The following TSPEAR variants were observed in gnomAD, a reference collection of about 807,000 sequenced individuals.
The protein encoded by TSPEAR is thrombospondin type laminin G domain and EAR repeats, also known as thrombospondin-type laminin G domain and EAR repeat-containing protein.
A neutral mutation model predicts 71.6 loss-of-function variants in TSPEAR; 69 were observed. The observed-to-expected ratio is 0.96, with a 90% CI of 0.79 to 1.18. The LOEUF (loss-of-function observed/expected upper bound fraction) is 1.18. Ranked by LOEUF, TSPEAR falls within the 50% of genes most tolerant of loss-of-function variation. The pLI, the probability that TSPEAR is intolerant of heterozygous loss-of-function variation, is 0.00. For missense variants in TSPEAR, 971 were observed against 894.9 expected (o/e 1.09, Z -1.09); for synonymous variants, 402 against 387.2 (o/e 1.04, Z -0.45).
rs1034740210 is a variant in TSPEAR at position 44,520,637 on chromosome 21, C to T, written c.1566+1246G>A. Reference sequence around the variant, plus strand: ...GTCACACTCCCGGTTTCCTAAGCTGCTCTTACTCCTGCTGGGTGGAGGGGC... The same window carrying T: ...GTCACACTCCCGGTTTCCTAAGCTGTTCTTACTCCTGCTGGGTGGAGGGGC... On this transcript the variant is annotated intron_variant, in intron 9 of 11. Coordinates refer to ENST00000323084, the MANE Select transcript of TSPEAR (RefSeq NM_144991.3). This position sits in a 1 kb window ranked among gnomAD's most constrained non-coding sequence, Gnocchi z 4.2. 2.6e-5 allele frequency: 4 copies of T among 152,292 alleles called. No individual in the cohort carries two copies. The highest frequency in any genetic ancestry group is 1.9e-4 in the East Asian group (1 of 5,182). 9.4% of individuals were successfully genotyped at this position (152,292 alleles called of 1,614,324 possible). A position where few individuals can be genotyped will look rare whatever the true frequency, so the allele number is the denominator to read the frequency against.
Position 44,521,874 on chromosome 21 carries a change from G to A in TSPEAR, c.1566+9C>T. 3 of 1,612,088 alleles carry A rather than the reference G, an allele frequency of 1.9e-6. No homozygotes were observed. Among genetic ancestry groups the A allele is most frequent in the Non-Finnish European group, 2.5e-6 (3 of 1,178,808 alleles). ...AATGGAGAGCCGGGGCTCATGCGGG[G>A]GGCCTTACCGGGAAGGACTGGAAGA... On this transcript the variant is annotated intron_variant, in intron 9 of 11. Transcript: ENST00000323084.
rs114515285 is a variant in TSPEAR, at chr21:44,612,509, A to C, written c.83-44504T>G. On this transcript the variant is annotated intron_variant, in intron 1 of 11. Coordinates refer to ENST00000323084, the MANE Select transcript of TSPEAR (RefSeq NM_144991.3). The surrounding 1 kb of genome is among the most constrained non-coding windows in gnomAD (Gnocchi z 4.1). ...CTGCAAGCCCGTGTGCTGCGTGTCC[A>C]TCTGCTCTGGAGCTTCCTCCCCATG... is the stretch of plus-strand genomic sequence containing the variant. 2,477 of 1,604,484 alleles carry C rather than the reference A, an allele frequency of 1.5e-3. 37 individuals carry two copies. In the African/African-American group the frequency reaches 0.031, roughly 20 times the overall value.
intron 2 of TSPEAR, chr21:44,550,501 A>T: frequency 2.7e-6 from 2 of 745,120 alleles, no homozygotes; most frequent in Non-Finnish European, 4.3e-6. Context: ...CCGTGAGGAG[A>T]AGCCAGGGCT....
rs587638601 is a variant in TSPEAR at position 44,638,207 on chromosome 21, C to G, written c.83-70202G>C. 1.6e-5 allele frequency: 26 copies of G among 1,575,782 alleles called. No individual in the cohort carries two copies. In the South Asian group the frequency reaches 2.5e-4, roughly 15 times the overall value. On this transcript the variant is annotated intron_variant, in intron 1 of 11. Coordinates refer to ENST00000323084, the MANE Select transcript of TSPEAR (RefSeq NM_144991.3). ...GATGTGATCCGGAGTCCCTTCCCAC[C>G]AGGGGCTGACCTCCCAGCTGCCCCA... is the stretch of plus-strand genomic sequence containing the variant.
Position 44,600,515 on chromosome 21 carries a change from A to G in TSPEAR, c.83-32510T>C, listed in dbSNP as rs60344526. On this transcript the variant is annotated intron_variant, in intron 1 of 11. Transcript: ENST00000323084. ...GACACTCCAGCTGGGACAACAGACC[A>G]GGGAGACATATAAAAGCCAACATCC... 9,063 of 1,320,500 alleles carry G rather than the reference A, an allele frequency of 6.9e-3. 493 individuals are homozygous for G. In the African/African-American group the frequency reaches 0.12, roughly 17 times the overall value. The allele number at this position is 1,320,500 out of a possible 1,614,324, so 81.8% of individuals were successfully genotyped here. A position where few individuals can be genotyped will look rare whatever the true frequency, so the allele number is the denominator to read the frequency against.
intron 1 of TSPEAR, chr21:44,657,980 A>T (rs782651011): frequency 6.2e-7 from 1 of 1,612,456 alleles, no homozygotes; most frequent in Admixed American, 1.7e-5. Flanking sequence ...ACACGCCACC[A>T]TGTGCCACAC....
At chr21:44,592,764 GCCACAGGT>G (rs1601459961) in intron 1 of TSPEAR, among the ~76,000 whole-genome samples, 1 of 152,162 alleles carries the variant, frequency 6.6e-6, no homozygotes, top group East Asian at 1.9e-4. Context: ...AGCTGGGAGA[GCCACAGGT>G]CGCGGCATCG....
At chr21:44,564,085 G>A (rs80316004) in intron 2 of TSPEAR, among the ~76,000 whole-genome samples, 1,752 of 152,302 alleles carry the variant, frequency 0.012, 12 homozygotes, top group African/African-American at 0.017. Context: ...CAATATGAGA[G>A]CTGAAGCAAG....
At chr21:44,560,063 C>T (rs587635093) in intron 2 of TSPEAR, among the ~76,000 whole-genome samples, 64 of 152,206 alleles carry the variant, frequency 4.2e-4, no homozygotes, top group African/African-American at 1.1e-3. Context: ...AGTCATGACC[C>T]GTCAGTGTGC....
In TSPEAR at chr21:44,539,266, C is replaced by A. The variant is rs782786708; in HGVS notation, c.304-5343G>T. On this transcript the variant is annotated intron_variant, in intron 2 of 11. Transcript: ENST00000323084. ...AGCCCAGCTGGCCCAGGGCGGGTGCCCATCAGCAGCTGGACTCCTGGCCTG... is the reference window on the plus strand; with the variant it reads ...AGCCCAGCTGGCCCAGGGCGGGTGCACATCAGCAGCTGGACTCCTGGCCTG... 6.3e-6 allele frequency: 10 copies of A among 1,596,370 alleles called. No individual in the cohort carries two copies. The South Asian group carries it at 9.1e-5, about 14-fold the overall frequency.
In TSPEAR at chr21:44,530,182, G is replaced by GT. The variant is rs61550302; in HGVS notation, c.634-229dup. Among the ~76,000 whole-genome samples the GT allele has an allele frequency of 0.039, 5,841 of 151,568 alleles. 433 individuals carry two copies. The highest frequency in any genetic ancestry group is 0.13 in the African/African-American group (5,498 of 40,810). ...CCGAGGGAACTGAACCACAGAAGGG[G>GT]TTTTTTATGTGAACTTAGAGTGACT... On this transcript the variant is annotated intron_variant, in intron 4 of 11. Coordinates refer to ENST00000323084, the MANE Select transcript of TSPEAR (RefSeq NM_144991.3).
chr21:44,694,097 G>A (rs782167027), intron 1 of TSPEAR, among the ~76,000 whole-genome samples: 2 of 152,164 alleles, frequency 1.3e-5, no homozygotes, highest in South Asian at 2.1e-4. Context: ...ATGGTCAACC[G>A]ATTTTCAACA....
intron 1 of TSPEAR, chr21:44,592,618 C>T (rs1468309233): frequency 4.3e-6 from 6 of 1,379,498 alleles, no homozygotes; most frequent in African/African-American, 1.5e-5. Flanking sequence ...CTGGAGTCTG[C>T]CGGGATTAGG....
At chr21:44,504,308 CCCT>C (rs2052138392) in intron 11 of TSPEAR, among the ~76,000 whole-genome samples, 1 of 142,032 alleles carries the variant, frequency 7.0e-6, no homozygotes, top group Non-Finnish European at 1.5e-5. Context: ...CCTCGGTGAG[CCCT>C]TAGGGGGAAG....
intron 1 of TSPEAR, chr21:44,654,077 T>C: frequency 1.7e-6 from 1 of 602,484 alleles, no homozygotes. Flanking sequence ...TGGCCCAGGC[T>C]GTGAACCCAG....
chr21:44,524,791 G>A (rs200482766), intron 8 of TSPEAR, among the ~76,000 whole-genome samples: 2 of 151,810 alleles, frequency 1.3e-5, no homozygotes, highest in African/African-American at 4.8e-5. Context: ...CAGTCAGAGA[G>A]TCAGGTAGTC....
At chr21:44,556,115 C>A (rs773863567) in intron 2 of TSPEAR, among the ~76,000 whole-genome samples, 10 of 152,196 alleles carry the variant, frequency 6.6e-5, no homozygotes, top group Non-Finnish European at 1.5e-4. Context: ...CGGTGGCTCA[C>A]GCTTGTAATC....
intron 4 of TSPEAR, 131 bp from the exon 5 acceptor site, chr21:44,530,085 G>A (rs2052936912): frequency 1.3e-5 from 12 of 938,992 alleles, no homozygotes; most frequent in Non-Finnish European, 1.8e-5. Flanking sequence ...CTTTTGCAGA[G>A]CTAACTGGGA....
chr21:44,517,917 C>A (rs2052631067), intron 9 of TSPEAR: 2 of 467,250 alleles, frequency 4.3e-6, no homozygotes, highest in Non-Finnish European at 8.9e-6. Context: ...TTCAAGCCTT[C>A]TCTGACAATT....
Sources: gnomAD v4.1 joint callset for allele counts (sites outside exome capture counted in the v4.1 genomes callset) on GRCh38, gnomAD v4.1.1 for gene constraint, Gnocchi (gnomAD v3.1) non-coding constraint, MANE v1.5 for transcripts, NCBI Gene and HGNC (gene_info 2026-07-23, HGNC 2026-07-21) for gene names.